TBC1D19: variants seen among roughly 807,000 people sequenced by gnomAD.
TBC1D19 encodes TBC1 domain family member 19.
TBC1D19 carries 60 observed loss-of-function variants against 89.0 expected under a neutral mutation model. The observed-to-expected ratio is 0.67, with a 90% CI of 0.55 to 0.84. The LOEUF (loss-of-function observed/expected upper bound fraction) is 0.84, where lower values mean the gene tolerates loss of function less well. TBC1D19 is among the 40% of genes least tolerant of loss of function. The pLI is 0.00. For synonymous variants in TBC1D19, 189 were observed against 199.7 expected, an observed-to-expected ratio of 0.95 and a Z score of 0.45; for missense variants, 500 against 610.8, an observed-to-expected ratio of 0.82 and a Z score of 1.91.
intron 12 of TBC1D19, among the ~76,000 whole-genome samples, chr4:26,684,567 G>A (rs1713645787): frequency 6.6e-6 from 1 of 152,156 alleles, no homozygotes; most frequent in South Asian, 2.1e-4. Flanking sequence ...GCTCATAACT[G>A]TGTTACATAG....
At chr4:26,630,741 C>CT (rs1386255525) in intron 4 of TBC1D19, among the ~76,000 whole-genome samples, 1 of 151,976 alleles carries the variant, frequency 6.6e-6, no homozygotes, top group Non-Finnish European at 1.5e-5. Flanking sequence ...TGCAAAGTGT[C>CT]TTTTTTAATA....
intron 7 of TBC1D19, among the ~76,000 whole-genome samples, chr4:26,645,845 C>T (rs1440730788): frequency 5.9e-5 from 9 of 151,492 alleles, no homozygotes; most frequent in African/African-American, 1.7e-4. Flanking sequence ...GGCAAAGGGC[C>T]GGGCGCGGTG....
intron 5 of TBC1D19, among the ~76,000 whole-genome samples, chr4:26,638,064 A>G (rs1417942334): frequency 6.6e-6 from 1 of 152,144 alleles, no homozygotes; most frequent in Non-Finnish European, 1.5e-5. Context: ...CTGGAATTCT[A>G]TTTAGATCTA....
At chr4:26,831,826 C>G in the TBC1D19 span, among the ~76,000 whole-genome samples, 1 of 152,034 alleles carries the variant, frequency 6.6e-6, no homozygotes, top group Non-Finnish European at 1.5e-5. Context: ...CTCCTGACCT[C>G]GTGATCTGCC....
the TBC1D19 span, among the ~76,000 whole-genome samples, chr4:26,782,280 A>G: frequency 6.6e-6 from 1 of 152,218 alleles, no homozygotes; most frequent in Non-Finnish European, 1.5e-5. Context: ...AGAGCAGAGT[A>G]GGATTCCAAG....
At chr4:26,799,498 G>T in the TBC1D19 span, among the ~76,000 whole-genome samples, 1 of 152,174 alleles carries the variant, frequency 6.6e-6, no homozygotes, top group Non-Finnish European at 1.5e-5. Flanking sequence ...TAAGTCCTAC[G>T]ATCTGAATTT....
chr4:26,679,665 T>G (rs1713157598), intron 11 of TBC1D19, among the ~76,000 whole-genome samples: 1 of 152,206 alleles, frequency 6.6e-6, no homozygotes, highest in Non-Finnish European at 1.5e-5. Context: ...GCTTGCACTG[T>G]GTGCCTGGAA....
At chr4:26,652,449 A>C (rs553041927) in intron 7 of TBC1D19, among the ~76,000 whole-genome samples, 22 of 152,124 alleles carry the variant, frequency 1.4e-4, no homozygotes, top group Admixed American at 5.2e-4. Flanking sequence ...TGTATTTCCC[A>C]GGCAGGTCTC....
the TBC1D19 span, among the ~76,000 whole-genome samples, chr4:26,830,931 A>C: frequency 2.6e-3 from 395 of 152,316 alleles, 3 homozygotes; most frequent in African/African-American, 9.2e-3. Context: ...GCCCATTTTT[A>C]GCCCTGAGGA....
rs750441605 is a variant in TBC1D19 at position 26,721,171 on chromosome 4, A to G, written c.1084+1046A>G. ...ATTCTATCTATTGTTAATTACTCTA[A>G]AATATATCCAGTTCGTACCTCTCCC... On this transcript the variant is annotated intron_variant, in intron 15 of 20. Coordinates refer to ENST00000264866, the MANE Select transcript of TBC1D19 (RefSeq NM_018317.4). Among the ~76,000 whole-genome samples, 6 of 151,940 alleles carry G rather than the reference A, an allele frequency of 3.9e-5. No homozygotes were observed. In the South Asian group the frequency reaches 1.0e-3, roughly 26 times the overall value.
At chr4:26,786,438 T>G in the TBC1D19 span, among the ~76,000 whole-genome samples, 1 of 151,978 alleles carries the variant, frequency 6.6e-6, no homozygotes, top group African/African-American at 2.4e-5. Context: ...ATCGAGACCA[T>G]CCTGGCCAAC....
At chr4:26,657,499 G>A (rs1160535999) in intron 7 of TBC1D19, among the ~76,000 whole-genome samples, 1 of 152,120 alleles carries the variant, frequency 6.6e-6, no homozygotes, top group Non-Finnish European at 1.5e-5. Flanking sequence ...TGGGCATTTG[G>A]GTTGGTTCCA....
intron 4 of TBC1D19, among the ~76,000 whole-genome samples, chr4:26,629,524 A>G (rs953948023): frequency 3.9e-5 from 6 of 152,102 alleles, no homozygotes; most frequent in African/African-American, 1.4e-4. Context: ...ATGAATGAAT[A>G]GCATAAACAA....
chr4:26,617,824 T>C (rs1251210481), intron 3 of TBC1D19, among the ~76,000 whole-genome samples: 1 of 152,226 alleles, frequency 6.6e-6, no homozygotes, highest in African/African-American at 2.4e-5. Flanking sequence ...CTTAACAATC[T>C]TATTCTATAT....
the TBC1D19 span, among the ~76,000 whole-genome samples, chr4:26,787,790 G>A: frequency 6.6e-6 from 1 of 152,098 alleles, no homozygotes; most frequent in African/African-American, 2.4e-5. Context: ...GACAACATCC[G>A]GACTTCCTTT....
At chr4:26,580,993 T>C (rs986421275), upstream of TBC1D19, among the ~76,000 whole-genome samples, 4 of 152,234 alleles carry the variant, frequency 2.6e-5, no homozygotes, top group Admixed American at 1.3e-4. Flanking sequence ...CCTATACATG[T>C]TGGCCCAGAA....
chr4:26,754,230 C>G (rs1178827608), intron 20 of TBC1D19: 1 of 205,048 alleles, frequency 4.9e-6, no homozygotes, highest in Admixed American at 5.2e-5. Context: ...AGAAGAAAAA[C>G]CACTTGAGAG....
chr4:26,762,462 A>G, the TBC1D19 span, among the ~76,000 whole-genome samples: 1 of 152,202 alleles, frequency 6.6e-6, no homozygotes, highest in Non-Finnish European at 1.5e-5. Context: ...CCTTCAATGT[A>G]TACAGGTATT....
chr4:26,587,410 T>G (rs1739481662), intron 1 of TBC1D19, among the ~76,000 whole-genome samples: 1 of 151,822 alleles, frequency 6.6e-6, no homozygotes, highest in South Asian at 2.1e-4. Flanking sequence ...AAACCCTATC[T>G]CCACAAAAAA....
Sources: gnomAD v4.1 joint callset for allele counts (sites outside exome capture counted in the v4.1 genomes callset) on GRCh38, gnomAD v4.1.1 for gene constraint, MANE v1.5 for transcripts, NCBI Gene and HGNC (gene_info 2026-07-23, HGNC 2026-07-21) for gene names.